MCCC1: variants seen among roughly 807,000 people sequenced by gnomAD.
MCCC1 encodes the protein methylcrotonoyl-CoA carboxylase subunit alpha, mitochondrial.
Under a neutral mutation model 83.8 loss-of-function variants are expected in MCCC1, and 64 were observed. The ratio of observed to expected loss-of-function variants is 0.76; its 90% CI spans 0.62 to 0.94. The LOEUF is 0.94. MCCC1 is among the 40% of genes least tolerant of loss of function. The pLI, the probability that MCCC1 is intolerant of heterozygous loss-of-function variation, is 0.00. For missense variants in MCCC1, 807 were observed against 904.7 expected (o/e 0.89, Z 1.39); for synonymous variants, 322 against 315.4 (o/e 1.02, Z -0.22).
intron 11 of MCCC1, 42 bp from the exon 12 acceptor site, chr3:183,039,177 G>A (rs975718449): frequency 2.6e-6 from 4 of 1,559,166 alleles, no homozygotes; most frequent in South Asian, 1.1e-5. Context: ...GTCAAAACAC[G>A]AAGGAATAAA....
At chr3:183,054,101 C>T (rs938521907) in intron 8 of MCCC1, among the ~76,000 whole-genome samples, 2 of 150,446 alleles carry the variant, frequency 1.3e-5, no homozygotes, top group Admixed American at 6.6e-5. Context: ...AGGCTGGTCT[C>T]GAAGTCCTGA....
intron 13 of MCCC1, among the ~76,000 whole-genome samples, chr3:183,035,587 G>A (rs1713506733): frequency 6.8e-6 from 1 of 148,048 alleles, no homozygotes; most frequent in South Asian, 2.1e-4. Flanking sequence ...TCTGGAATCT[G>A]AACTGTTCCA....
intron 18 of MCCC1, among the ~76,000 whole-genome samples, chr3:183,016,649 G>T (rs1036273185): frequency 2.0e-5 from 3 of 152,180 alleles, no homozygotes; most frequent in Admixed American, 2.0e-4. Context: ...TTACGATGGG[G>T]TCAGGTCCAG....
At chr3:183,031,344 T>C (rs1159682489) in intron 14 of MCCC1, among the ~76,000 whole-genome samples, 1 of 152,188 alleles carries the variant, frequency 6.6e-6, no homozygotes, top group Admixed American at 6.5e-5. Flanking sequence ...GCTATTATCA[T>C]TGAGTTTAGG....
At chr3:183,051,430 C>T (rs770844658) in intron 9 of MCCC1, among the ~76,000 whole-genome samples, 2 of 152,096 alleles carry the variant, frequency 1.3e-5, no homozygotes, top group Non-Finnish European at 2.9e-5. Flanking sequence ...AGGCTACATA[C>T]TGTATGATTC....
At chr3:183,059,469 C>T (rs1715666810) in intron 7 of MCCC1, among the ~76,000 whole-genome samples, 1 of 152,126 alleles carries the variant, frequency 6.6e-6, no homozygotes, top group Non-Finnish European at 1.5e-5. Context: ...TATCCACAAG[C>T]TATATAATCA....
At chr3:183,097,303 G>A (rs540947912) in intron 1 of MCCC1, among the ~76,000 whole-genome samples, 4 of 151,920 alleles carry the variant, frequency 2.6e-5, no homozygotes, top group African/African-American at 7.2e-5. Flanking sequence ...CCAGCTTATT[G>A]TCATGTCTAT....
intron 7 of MCCC1, among the ~76,000 whole-genome samples, chr3:183,070,048 G>A (rs1716537740): frequency 6.6e-6 from 1 of 152,154 alleles, no homozygotes; most frequent in Non-Finnish European, 1.5e-5. Flanking sequence ...AATGAAAACA[G>A]TACTTACCTA....
upstream of MCCC1, chr3:183,099,633 AGTAGCGAC>A: frequency 7.3e-6 from 5 of 680,356 alleles, no homozygotes; most frequent in Non-Finnish European, 1.0e-5. Context: ...GCCCGGCTTC[AGTAGCGAC>A]GATTGGGCAG....
chr3:183,017,195 T>A lies in MCCC1; in HGVS notation c.2049+71A>T, dbSNP rs541983826. ...TTTAAGGTGGTATTAACTTACAAAA[T>A]AAGGCAAAAGAACCATTAGGTATGA... On this transcript the variant is annotated intron_variant, in intron 18 of 18. Coordinates refer to ENST00000265594, the MANE Select transcript of MCCC1 (RefSeq NM_020166.5). The A allele has an allele frequency of 3.7e-6, 5 of 1,358,320 alleles. No individual in the cohort carries two copies. In the African/African-American group the frequency reaches 7.1e-5, roughly 19 times the overall value. The allele number at this position is 1,358,320 out of a possible 1,614,324, so 84.1% of individuals were successfully genotyped here. A position where few individuals can be genotyped will look rare whatever the true frequency, so the allele number is the denominator to read the frequency against.
chr3:183,088,208 G>GT lies in MCCC1; in HGVS notation c.274-1421dup, dbSNP rs762153887. 2.2e-3 allele frequency among the ~76,000 whole-genome samples: 312 copies of GT among 139,736 alleles called. 14 individuals carry two copies. Among genetic ancestry groups the GT allele is most frequent in the South Asian group, 4.8e-3 (21 of 4,414 alleles). The allele number at this position is 139,736 out of a possible 152,430, so 91.7% of individuals were successfully genotyped here. A position where few individuals can be genotyped will look rare whatever the true frequency, so the allele number is the denominator to read the frequency against. On this transcript the variant is annotated intron_variant, in intron 3 of 18. Coordinates refer to ENST00000265594, the MANE Select transcript of MCCC1 (RefSeq NM_020166.5). ...GTTTTGTTGTTGTTGTTGTTGTTGT[G>GT]TGTTTTTTTTTTTTTTTGAGGTAAG... is the stretch of plus-strand genomic sequence containing the variant.
chr3:183,106,206 C>T (rs538945013), intron 1 of MCCC1, among the ~76,000 whole-genome samples: 10 of 152,198 alleles, frequency 6.6e-5, no homozygotes, highest in African/African-American at 2.4e-4. Flanking sequence ...ACTGGCATCA[C>T]CCATGTTATT....
chr3:183,089,483 A>T (rs758832421), intron 3 of MCCC1, among the ~76,000 whole-genome samples: 48 of 152,266 alleles, frequency 3.2e-4, no homozygotes, highest in South Asian at 8.3e-4. Context: ...CTATGGTAGC[A>T]AGTGCCTGTA....
At chr3:183,077,169 T>C (rs1259650070) in intron 4 of MCCC1, among the ~76,000 whole-genome samples, 2 of 152,226 alleles carry the variant, frequency 1.3e-5, no homozygotes, top group Non-Finnish European at 2.9e-5. Flanking sequence ...TTCCTACTTT[T>C]TTGGCTACTA....
chr3:183,041,747 C>A lies in MCCC1; in HGVS notation c.1087G>T (p.Ala363Ser). ...TDLVEWQLRI[A>S]AGEKIPLSQE... ...CTCAAAGGAATCTTCTCTCCTGCTG[C>A]AATCTGGCAATAGAATAGTGTTTCT... is the stretch of plus-strand genomic sequence containing the variant. The change falls in exon 11 of 19, where the codon GCA becomes TCA. Residue 363 changes from alanine to serine, a missense_variant. Transcript: ENST00000265594. The A allele has an allele frequency of 6.2e-7, 1 of 1,614,174 alleles. No homozygotes were observed. The highest frequency in any genetic ancestry group is 8.5e-7 in the Non-Finnish European group (1 of 1,180,010).
intron 1 of MCCC1, among the ~76,000 whole-genome samples, 189 bp from the exon 2 acceptor site, chr3:183,094,794 C>T (rs1001976915): frequency 6.6e-6 from 1 of 152,190 alleles, no homozygotes; most frequent in African/African-American, 2.4e-5. Flanking sequence ...TTCCCTCGTA[C>T]TACCTGTCCT....
At chr3:183,042,811 C>T (rs1253365930) in intron 10 of MCCC1, among the ~76,000 whole-genome samples, 3 of 152,202 alleles carry the variant, frequency 2.0e-5, no homozygotes, top group African/African-American at 7.2e-5. Context: ...ACAGTCAGCA[C>T]TATGTTACCT....
intron 4 of MCCC1, among the ~76,000 whole-genome samples, chr3:183,084,258 G>C (rs939365322): frequency 6.6e-6 from 1 of 152,208 alleles, no homozygotes; most frequent in Non-Finnish European, 1.5e-5. Flanking sequence ...ACCACACTTT[G>C]AGTAGCAAGA....
At chr3:183,114,127 T>G (rs1719549455) in intron 1 of MCCC1, among the ~76,000 whole-genome samples, 1 of 152,194 alleles carries the variant, frequency 6.6e-6, no homozygotes. Flanking sequence ...TGGCGAGCTA[T>G]ATCCGCAGTG....
Sources: gnomAD v4.1 joint callset for allele counts (sites outside exome capture counted in the v4.1 genomes callset) on GRCh38, gnomAD v4.1.1 for gene constraint, MANE v1.5 for transcripts, NCBI Gene and HGNC (gene_info 2026-07-23, HGNC 2026-07-21) for gene names.